Variants in RYR2 observed in about 807,000 individuals in gnomAD.
RYR2 encodes ryanodine receptor 2.
In RYR2, 227 loss-of-function variants were observed where a neutral mutation model predicts 601.1. The observed-to-expected ratio is 0.38, with a 90% confidence interval of 0.34 to 0.42. The LOEUF (loss-of-function observed/expected upper bound fraction) is 0.42, where lower values mean the gene tolerates loss of function less well. Among genes scored for constraint, RYR2 ranks in the 10% least tolerant of loss-of-function variants. The probability of loss-of-function intolerance (pLI) is 1.00; values close to 1 mark genes in which losing one functional copy is unlikely to be tolerated. For synonymous variants in RYR2, 2,223 were observed against 2,175.1 expected (o/e 1.02, Z -0.61); for missense variants, 4,646 against 6,156.5 (o/e 0.75, Z 8.21).
At chr1:237,585,462 T>C (rs941787709) in intron 29 of RYR2, among the ~76,000 whole-genome samples, 5 of 152,150 alleles carry the variant, frequency 3.3e-5, no homozygotes, top group Non-Finnish European at 1.5e-5. Flanking sequence ...GGATACTTTG[T>C]CATGTACTGA....
At chr1:237,409,750 A>G (rs1048451249) in intron 10 of RYR2, among the ~76,000 whole-genome samples, 3 of 152,164 alleles carry the variant, frequency 2.0e-5, no homozygotes, top group Non-Finnish European at 2.9e-5. Context: ...CATTGCAGTA[A>G]CTAAAATACA....
Position 237,664,731 on chromosome 1 carries a change from G to A in RYR2, c.8437-1781G>A, listed in dbSNP as rs1236743382. Among the ~76,000 whole-genome samples the A allele has an allele frequency of 4.6e-5, 7 of 152,320 alleles. No individual in the cohort carries two copies. In the East Asian group the frequency reaches 5.8e-4, roughly 13 times the overall value. ...GACATAGACATAATAATGGATGAAG[G>A]GGAGTAACCCGAGATGGTTGCCATG... On this transcript the variant is annotated intron_variant, in intron 56 of 104. Coordinates refer to ENST00000366574, the MANE Select transcript of RYR2 (RefSeq NM_001035.3).
chr1:237,674,278 C>T lies in RYR2; in HGVS notation c.8714+59C>T. ...TTCACAAGAGTGAATATTTAAATAT[C>T]TCCATCATATTTAAAGCTGAAAATG... On this transcript the variant is annotated intron_variant, in intron 59 of 104. Transcript: ENST00000366574. 3 of 1,283,594 alleles carry T rather than the reference C, an allele frequency of 2.3e-6. No individual in the cohort carries two copies. The South Asian group carries it at 3.8e-5, about 16-fold the overall frequency. The allele number at this position is 1,283,594 out of a possible 1,614,324, so 79.5% of individuals were successfully genotyped here. A position where few individuals can be genotyped will look rare whatever the true frequency, so the allele number is the denominator to read the frequency against.
intron 12 of RYR2, among the ~76,000 whole-genome samples, chr1:237,433,889 A>G (rs1163930258): frequency 6.6e-6 from 1 of 152,224 alleles, no homozygotes; most frequent in Non-Finnish European, 1.5e-5. Context: ...ATGATGTAAC[A>G]TATATCTTAG....
At chr1:237,817,438 A>G (rs900570497) in intron 100 of RYR2, among the ~76,000 whole-genome samples, 12 of 151,506 alleles carry the variant, frequency 7.9e-5, no homozygotes, top group African/African-American at 2.9e-4. Context: ...TTGAGGACTT[A>G]CCATGTGCTG....
intron 1 of RYR2, among the ~76,000 whole-genome samples, chr1:237,130,313 C>T (rs907419408): frequency 2.0e-5 from 3 of 152,084 alleles, no homozygotes; most frequent in Non-Finnish European, 4.4e-5. Context: ...AAGGGGTTAT[C>T]CTCTGTGTTT....
chr1:237,102,430 T>A (rs954913775), intron 1 of RYR2, among the ~76,000 whole-genome samples: 7 of 152,094 alleles, frequency 4.6e-5, no homozygotes, highest in African/African-American at 1.4e-4. Context: ...TACAGATACA[T>A]CCATGAGGCT....
At chr1:237,090,051 G>C (rs1345995106) in intron 1 of RYR2, among the ~76,000 whole-genome samples, 1 of 152,184 alleles carries the variant, frequency 6.6e-6, no homozygotes, top group East Asian at 1.9e-4. Context: ...GAGAATGAGT[G>C]CTGAGTGAAG....
intron 2 of RYR2, among the ~76,000 whole-genome samples, chr1:237,274,656 A>G (rs1254826189): frequency 6.6e-6 from 1 of 152,152 alleles, no homozygotes; most frequent in Admixed American, 6.5e-5. Context: ...GCAGTAGGGT[A>G]GTGTCCTAGG....
intron 38 of RYR2, among the ~76,000 whole-genome samples, chr1:237,622,712 A>G (rs1161575823): frequency 6.6e-6 from 1 of 152,230 alleles, no homozygotes; most frequent in Non-Finnish European, 1.5e-5. Context: ...ATGAAGTGAT[A>G]TGTCAGCACT....
At chr1:237,326,615 A>G (rs1198145737) in intron 2 of RYR2, among the ~76,000 whole-genome samples, 1 of 152,232 alleles carries the variant, frequency 6.6e-6, no homozygotes, top group Admixed American at 6.5e-5. Flanking sequence ...AGAGCGTACT[A>G]TATGAAAGTT....
intron 42 of RYR2, among the ~76,000 whole-genome samples, chr1:237,633,228 A>G (rs951366991): frequency 6.6e-6 from 1 of 152,204 alleles, no homozygotes; most frequent in Non-Finnish European, 1.5e-5. Context: ...TATCCATATT[A>G]TTCTAACAGA....
At chr1:237,645,159 C>A (rs1038143277) in intron 48 of RYR2, among the ~76,000 whole-genome samples, 1 of 152,170 alleles carries the variant, frequency 6.6e-6, no homozygotes, top group Admixed American at 6.5e-5. Flanking sequence ...AAAGGGGTCA[C>A]CATATACCTG....
chr1:237,663,758 A>T (rs965637073), intron 56 of RYR2, among the ~76,000 whole-genome samples: 2 of 152,270 alleles, frequency 1.3e-5, no homozygotes, highest in South Asian at 2.1e-4. Context: ...TATGTGGATC[A>T]ATAACCTGAT....
At chr1:237,709,237 A>C in intron 69 of RYR2, 139 bp downstream of exon 69, 1 of 856,882 alleles carries the variant, frequency 1.2e-6, no homozygotes, top group African/African-American at 1.7e-5. Flanking sequence ...TAGGCAAGTT[A>C]ATTTTTGGCT....
chr1:237,764,655 C>T (rs942390363), intron 84 of RYR2, among the ~76,000 whole-genome samples: 1 of 151,878 alleles, frequency 6.6e-6, no homozygotes, highest in Non-Finnish European at 1.5e-5. Context: ...CCATCTTGGC[C>T]AGGCTGGTCT....
At chr1:237,427,119 G>A (rs535051551) in intron 12 of RYR2, among the ~76,000 whole-genome samples, 5 of 152,294 alleles carry the variant, frequency 3.3e-5, no homozygotes, top group Admixed American at 2.0e-4. Flanking sequence ...AGAAAAGTTG[G>A]TGAGAGAAAG....
At chr1:237,270,786 G>A (rs1422272244) in intron 2 of RYR2, among the ~76,000 whole-genome samples, 170 bp downstream of exon 2, 1 of 152,104 alleles carries the variant, frequency 6.6e-6, no homozygotes, top group East Asian at 1.9e-4. Context: ...TCTCTCCTGG[G>A]TACAAAGAAC....
intron 2 of RYR2, among the ~76,000 whole-genome samples, chr1:237,282,188 A>AC (rs1690966023): frequency 6.9e-6 from 1 of 145,334 alleles, no homozygotes; most frequent in Admixed American, 6.9e-5. Flanking sequence ...AAGTTGGCGC[A>AC]TTTTTTTTTT....
Sources: allele counts gnomAD v4.1 joint callset (sites outside exome capture counted in the v4.1 genomes callset), GRCh38; gene constraint gnomAD v4.1.1; transcripts MANE v1.5; gene names NCBI Gene and HGNC (gene_info 2026-07-23, HGNC 2026-07-21).